The following NAALADL2 variants were observed in gnomAD, a reference collection of about 807,000 sequenced individuals.
NAALADL2 encodes inactive N-acetylated-alpha-linked acidic dipeptidase-like protein 2.
Under a neutral mutation model 87.2 loss-of-function variants are expected in NAALADL2, and 76 were observed. The ratio of observed to expected loss-of-function variants is 0.87; its 90% CI spans 0.72 to 1.05. The LOEUF (loss-of-function observed/expected upper bound fraction) is 1.05. Among genes scored for constraint, NAALADL2 ranks in the 50% least tolerant of loss-of-function variants. NAALADL2 has a pLI of 0.00. For synonymous variants in NAALADL2, 354 were observed against 331.0 expected (o/e 1.07, Z -0.75); for missense variants, 1,089 against 945.8 (o/e 1.15, Z -1.99).
intron 3 of NAALADL2, among the ~76,000 whole-genome samples, chr3:174,789,071 A>G (rs974137436): frequency 5.8e-4 from 89 of 152,328 alleles, no homozygotes; most frequent in African/African-American, 2.1e-3. Context: ...TCTGGGACCT[A>G]TTACATCTTC....
intron 11 of NAALADL2, among the ~76,000 whole-genome samples, chr3:175,683,320 C>T (rs1244197574): frequency 6.6e-6 from 1 of 151,764 alleles, no homozygotes; most frequent in Admixed American, 6.6e-5. Flanking sequence ...TCAAATTTAG[C>T]ACATAGGTAA....
intron 1 of NAALADL2, among the ~76,000 whole-genome samples, chr3:174,549,867 G>A (rs1711908632): frequency 6.6e-6 from 1 of 151,710 alleles, no homozygotes; most frequent in Non-Finnish European, 1.5e-5. Flanking sequence ...GTGATGGGGA[G>A]CATTTATTCC....
At chr3:175,412,156 T>C (rs987965607) in intron 5 of NAALADL2, among the ~76,000 whole-genome samples, 1 of 152,218 alleles carries the variant, frequency 6.6e-6, no homozygotes, top group Non-Finnish European at 1.5e-5. Context: ...GTATTTTTAT[T>C]CTAAGTTGAC....
chr3:175,664,361 G>A (rs1003306829), intron 11 of NAALADL2, among the ~76,000 whole-genome samples: 2 of 152,032 alleles, frequency 1.3e-5, no homozygotes, highest in Non-Finnish European at 2.9e-5. Flanking sequence ...TTTGTGTGTT[G>A]CATGTCTACT....
At chr3:174,715,797 G>A (rs1180416260) in intron 2 of NAALADL2, among the ~76,000 whole-genome samples, 1 of 152,114 alleles carries the variant, frequency 6.6e-6, no homozygotes, top group African/African-American at 2.4e-5. Context: ...CTGGGATAGA[G>A]GGGTGGTGTG....
At chr3:174,803,503 G>C (rs535218913) in intron 3 of NAALADL2, among the ~76,000 whole-genome samples, 29 of 151,968 alleles carry the variant, frequency 1.9e-4, no homozygotes, top group African/African-American at 7.0e-4. Context: ...GTCAATTGTG[G>C]CTTTTGTTGC....
chr3:174,667,713 C>G (rs926688807), intron 2 of NAALADL2, among the ~76,000 whole-genome samples: 1 of 151,682 alleles, frequency 6.6e-6, no homozygotes, highest in Non-Finnish European at 1.5e-5. Context: ...AGCTTCTAAG[C>G]TCATAATTAG....
At chr3:174,783,457 C>G (rs1716237733) in intron 3 of NAALADL2, among the ~76,000 whole-genome samples, 1 of 152,092 alleles carries the variant, frequency 6.6e-6, no homozygotes, top group African/African-American at 2.4e-5. Flanking sequence ...TAGTGAAATT[C>G]TAGCCACGTT....
intron 2 of NAALADL2, among the ~76,000 whole-genome samples, chr3:175,219,487 C>T (rs1169239800): frequency 2.0e-5 from 3 of 152,036 alleles, no homozygotes; most frequent in African/African-American, 7.2e-5. Flanking sequence ...ATTACATTTT[C>T]AAACTTTTAT....
chr3:174,493,543 A>T (rs1004587316), intron 1 of NAALADL2, among the ~76,000 whole-genome samples: 1 of 152,206 alleles, frequency 6.6e-6, no homozygotes, highest in Non-Finnish European at 1.5e-5. Context: ...TCTGTTTTTT[A>T]AGCCACACAG....
intron 1 of NAALADL2, among the ~76,000 whole-genome samples, chr3:175,004,995 C>T (rs1482503913): frequency 6.6e-6 from 1 of 152,068 alleles, no homozygotes; most frequent in East Asian, 1.9e-4. Context: ...CTCTGTGGCA[C>T]CTGAAAAACA....
At chr3:175,285,591 A>C (rs1370648503) in intron 4 of NAALADL2, among the ~76,000 whole-genome samples, 4 of 152,126 alleles carry the variant, frequency 2.6e-5, no homozygotes, top group Non-Finnish European at 4.4e-5. Flanking sequence ...AGAAATAATA[A>C]TGTAATTTTC....
rs76311827 is a variant in NAALADL2 at position 174,826,634 on chromosome 3, C to G, written c.-9+88888C>G. On this transcript the variant is annotated intron_variant, in intron 3 of 3. Coordinates refer to the NAALADL2 transcript ENST00000434257. ...TTAGGACCTTGGCAAAATTACTTAA[C>G]TTTTTTCAATATCAGTTTTCTCAGT... 4.4e-3 allele frequency among the ~76,000 whole-genome samples: 672 copies of G among 152,254 alleles called. 3 individuals are homozygous for G. The highest frequency in any genetic ancestry group is 0.01 in the Middle Eastern group (3 of 294).
At chr3:174,807,511 A>G (rs2109278211) in intron 3 of NAALADL2, among the ~76,000 whole-genome samples, 1 of 152,178 alleles carries the variant, frequency 6.6e-6, no homozygotes, top group East Asian at 1.9e-4. Context: ...TTCCTTGTAC[A>G]CATTTTTCTT....
At chr3:175,681,305 CTCGATATTTAAAGTCA>C (rs1735563309) in intron 11 of NAALADL2, among the ~76,000 whole-genome samples, 1 of 151,986 alleles carries the variant, frequency 6.6e-6, no homozygotes, top group South Asian at 2.1e-4. Context: ...ATAATGCATA[CTCGATATTTAAAGTCA>C]AGTTCTTGCA....
intron 1 of NAALADL2, among the ~76,000 whole-genome samples, chr3:175,044,551 A>G (rs992057552): frequency 2.6e-5 from 4 of 152,156 alleles, no homozygotes; most frequent in Admixed American, 6.6e-5. Context: ...GCTGCCACAT[A>G]AAACAATTAA....
At chr3:174,879,611 ACTTG>A (rs1197019515) in intron 1 of NAALADL2, among the ~76,000 whole-genome samples, 1 of 152,098 alleles carries the variant, frequency 6.6e-6, no homozygotes, top group African/African-American at 2.4e-5. Flanking sequence ...TTGTGTAAGT[ACTTG>A]CTTCAAAAGA....
chr3:174,672,818 CA>C, intron 2 of NAALADL2, among the ~76,000 whole-genome samples: 2 of 151,834 alleles, frequency 1.3e-5, no homozygotes, highest in East Asian at 1.9e-4. Context: ...GTAAGGAGGT[CA>C]CTGTAACTCA....
intron 2 of NAALADL2, among the ~76,000 whole-genome samples, chr3:175,224,772 C>T (rs78272269): frequency 6.6e-5 from 10 of 152,230 alleles, no homozygotes; most frequent in South Asian, 2.1e-4. Flanking sequence ...AGATGAAGCA[C>T]GTAAATAACT....
Sources: allele counts gnomAD v4.1 joint callset (sites outside exome capture counted in the v4.1 genomes callset), GRCh38; gene constraint gnomAD v4.1.1; transcripts MANE v1.5; gene names NCBI Gene and HGNC (gene_info 2026-07-23, HGNC 2026-07-21).